The following SCGB2B2 variants were observed in gnomAD, a reference collection of about 807,000 sequenced individuals.
SCGB2B2 encodes secretoglobin-like protein.
Under a neutral mutation model 7.6 loss-of-function variants are expected in SCGB2B2, and 11 were observed. The observed-to-expected ratio is 1.45, with a 90% CI of 0.91 to 2.40. The LOEUF (loss-of-function observed/expected upper bound fraction) is 2.40, where lower values mean the gene tolerates loss of function less well. SCGB2B2 is among the 30% of genes most tolerant of loss of function. SCGB2B2 has a pLI of 0.00. For missense variants in SCGB2B2, 104 were observed against 115.4 expected (o/e 0.90, Z 0.45); for synonymous variants, 50 against 48.6 (o/e 1.03, Z -0.12).
At position 34,650,705 on chromosome 19, in the gene SCGB2B2, A is replaced by T. The variant is rs185546653; in HGVS notation, c.-2032+24925T>A. ...GAAGAAATAACAGCAATTCTTCCTA[A>T]ACTCTTCCTGAAAATTGAAGAGTAC... On this transcript the variant is annotated intron_variant, in intron 1 of 3. Transcript: ENST00000601241. Among the ~76,000 whole-genome samples the T allele has an allele frequency of 2.6e-3, 389 of 150,896 alleles. 2 individuals are homozygous for T. The highest frequency in any genetic ancestry group is 4.4e-3 in the Non-Finnish European group (301 of 67,946).
At chr19:34,609,904 C>T (rs1304069504) in intron 1 of SCGB2B2, among the ~76,000 whole-genome samples, 1 of 152,042 alleles carries the variant, frequency 6.6e-6, no homozygotes. Flanking sequence ...CTGCAGATTG[C>T]TTTTGGTAAT....
At chr19:34,589,897 G>A (rs142783699), downstream of SCGB2B2, among the ~76,000 whole-genome samples, 941 of 152,258 alleles carry the variant, frequency 6.2e-3, 32 homozygotes, top group South Asian at 0.097. Flanking sequence ...GTGCAGGGAA[G>A]GTCACTCTGG....
intron 1 of SCGB2B2, among the ~76,000 whole-genome samples, chr19:34,597,866 G>T (rs1238020205): frequency 6.6e-6 from 1 of 152,206 alleles, no homozygotes; most frequent in Non-Finnish European, 1.5e-5. Flanking sequence ...GGCGTCTCTT[G>T]TGCCAAACAA....
intron 1 of SCGB2B2, among the ~76,000 whole-genome samples, chr19:34,613,903 C>T (rs552384296): frequency 6.6e-6 from 1 of 152,288 alleles, no homozygotes; most frequent in African/African-American, 2.4e-5. Context: ...GTATAGTATT[C>T]TTGCTGGACA....
chr19:34,649,809 C>T (rs113252154), intron 1 of SCGB2B2, among the ~76,000 whole-genome samples: 2,970 of 148,280 alleles, frequency 0.02, 62 homozygotes, highest in South Asian at 0.085. Flanking sequence ...CAGCCTGATG[C>T]CCTTGGGACC....
At position 34,654,951 on chromosome 19, in the gene SCGB2B2, G is replaced by A. The variant is rs552159444; in HGVS notation, c.-2032+20679C>T. On this transcript the variant is annotated intron_variant, in intron 1 of 3. Transcript: ENST00000601241. ...GTGCAGCAGGCAGGAAGAATCCTTC[G>A]GGCACTTACACCACTCCAATCTTAT... Among the ~76,000 whole-genome samples, 11 of 151,224 alleles carry A rather than the reference G, an allele frequency of 7.3e-5. 1 individual carries two copies. The highest frequency in any genetic ancestry group is 1.9e-4 in the East Asian group (1 of 5,196).
At chr19:34,629,647 T>C (rs537314994) in intron 1 of SCGB2B2, among the ~76,000 whole-genome samples, 194 of 152,168 alleles carry the variant, frequency 1.3e-3, no homozygotes, top group African/African-American at 4.5e-3. Context: ...GAACATTCCA[T>C]GCTCATGGGT....
intron 1 of SCGB2B2, among the ~76,000 whole-genome samples, chr19:34,605,973 T>C (rs1219945126): frequency 6.6e-6 from 1 of 152,142 alleles, no homozygotes; most frequent in Admixed American, 6.5e-5. Flanking sequence ...GAAATAAGAT[T>C]ACCCAATTTG....
chr19:34,617,805 T>C (rs997447615), intron 1 of SCGB2B2, among the ~76,000 whole-genome samples: 1 of 152,210 alleles, frequency 6.6e-6, no homozygotes, highest in East Asian at 1.9e-4. Flanking sequence ...CCATTCAGTA[T>C]GATATTGGCT....
At chr19:34,626,507 A>G (rs1283873408) in intron 1 of SCGB2B2, among the ~76,000 whole-genome samples, 1 of 152,242 alleles carries the variant, frequency 6.6e-6, no homozygotes, top group Non-Finnish European at 1.5e-5. Context: ...AAAGGGTATC[A>G]GTGACAGAAG....
chr19:34,611,613 T>G (rs1420279164), intron 1 of SCGB2B2, among the ~76,000 whole-genome samples: 1 of 151,708 alleles, frequency 6.6e-6, no homozygotes, highest in Non-Finnish European at 1.5e-5. Context: ...GTATGTTGCA[T>G]TTCTATTTTA....
At chr19:34,640,890 T>A (rs1352642289) in intron 1 of SCGB2B2, among the ~76,000 whole-genome samples, 1 of 152,200 alleles carries the variant, frequency 6.6e-6, no homozygotes, top group Non-Finnish European at 1.5e-5. Context: ...TTAGAGCTCA[T>A]ACAACTTTAA....
chr19:34,606,090 A>T (rs887163597), intron 1 of SCGB2B2, among the ~76,000 whole-genome samples: 4 of 151,710 alleles, frequency 2.6e-5, no homozygotes, highest in Non-Finnish European at 4.4e-5. Flanking sequence ...TTTTAAAAAA[A>T]TTTTATGTAG....
chr19:34,616,941 G>A (rs2066100245), intron 1 of SCGB2B2, among the ~76,000 whole-genome samples: 1 of 152,146 alleles, frequency 6.6e-6, no homozygotes, highest in African/African-American at 2.4e-5. Flanking sequence ...ATTAAACAGG[G>A]AATCCTTTCC....
rs530492377 is a variant in SCGB2B2, at chr19:34,641,098, C to G, written c.-2032+34532G>C. Among the ~76,000 whole-genome samples the G allele has an allele frequency of 2.0e-5, 3 of 151,884 alleles. No homozygotes were observed. In the East Asian group the frequency reaches 5.8e-4, roughly 30 times the overall value. On this transcript the variant is annotated intron_variant, in intron 1 of 3. Coordinates refer to ENST00000601241, the MANE Select transcript of SCGB2B2 (RefSeq NM_001025591.4). The stretch of plus-strand genomic sequence containing the variant: ...TCACACCCCAAACAAAGATTATGAC[C>G]AATTGGACTCAAATACTATTGAGCT...
intron 1 of SCGB2B2, among the ~76,000 whole-genome samples, chr19:34,656,979 T>C (rs540150628): frequency 2.0e-5 from 3 of 151,262 alleles, no homozygotes; most frequent in Non-Finnish European, 4.4e-5. Context: ...AAGTAAAATA[T>C]ATGAAGATTG....
rs372459007 is a variant in SCGB2B2, at chr19:34,660,657, T to C, written c.-2032+14973A>G. ...TGGAGAGGATGTGGAGAAATAGGAATGCTTTTACATTGTTGGTTGAAGAGT... is the reference window on the plus strand; with the variant it reads ...TGGAGAGGATGTGGAGAAATAGGAACGCTTTTACATTGTTGGTTGAAGAGT... On this transcript the variant is annotated intron_variant, in intron 1 of 3. Transcript: ENST00000601241. Among the ~76,000 whole-genome samples, 3 of 152,182 alleles carry C rather than the reference T, an allele frequency of 2.0e-5. No homozygotes were observed. The East Asian group carries it at 5.8e-4, about 29-fold the overall frequency.
At chr19:34,648,942 G>A (rs733926) in intron 1 of SCGB2B2, among the ~76,000 whole-genome samples, 60,420 of 151,502 alleles carry the variant, frequency 0.4, 13,105 homozygotes, top group Middle Eastern at 0.59. Context: ...TTGCTTTGTC[G>A]CCCAGGCTGG....
intron 1 of SCGB2B2, among the ~76,000 whole-genome samples, chr19:34,630,537 A>C (rs1436894957): frequency 6.6e-6 from 1 of 152,016 alleles, no homozygotes; most frequent in Non-Finnish European, 1.5e-5. Flanking sequence ...TGGCCATCAG[A>C]GAAATGCAAA....
Sources: gnomAD v4.1 joint callset for allele counts (sites outside exome capture counted in the v4.1 genomes callset) on GRCh38, gnomAD v4.1.1 for gene constraint, MANE v1.5 for transcripts, NCBI Gene and HGNC (gene_info 2026-07-23, HGNC 2026-07-21) for gene names.